The following ZNF596 variants were observed in gnomAD, a reference collection of about 807,000 sequenced individuals.
The protein encoded by ZNF596 is zinc finger protein 596.
In ZNF596, 45 loss-of-function variants were observed where a neutral mutation model predicts 48.3. That is an observed-to-expected ratio of 0.93 (90% CI 0.73 to 1.19). The LOEUF (loss-of-function observed/expected upper bound fraction) is 1.19, where lower values mean the gene tolerates loss of function less well. Among genes scored for constraint, ZNF596 ranks in the 50% most tolerant of loss-of-function variants. ZNF596 has a pLI of 0.00. For synonymous variants in ZNF596, 270 were observed against 202.0 expected (o/e 1.34, Z -2.85); for missense variants, 848 against 599.7 (o/e 1.41, Z -4.32).
Position 242,966 on chromosome 8 carries a change from T to A in ZNF596, c.92T>A (p.Leu31Gln), listed in dbSNP as rs546362714. The A allele has an allele frequency of 6.2e-7, 1 of 1,612,410 alleles. No homozygotes were observed. Among genetic ancestry groups the A allele is most frequent in the East Asian group, 2.2e-5 (1 of 44,818 alleles). ...CTGCTGGACACATCCCAGAGAAAGCTGTTTCAAGATGTGATGTTGGAGAAC... is the reference window on the plus strand; with the variant it reads ...CTGCTGGACACATCCCAGAGAAAGCAGTTTCAAGATGTGATGTTGGAGAAC... The part of the protein sequence containing the change: ...WALLDTSQRK[L>Q]FQDVMLENIS... Residue 31 changes from leucine to glutamine, a missense_variant, in exon 3 of 6, where the codon CTG becomes CAG. By Grantham distance (113) the Leu-to-Gln change is moderately radical. Transcript: ENST00000398612.
chr8:244,785 C>CCAAA, intron 5 of ZNF596, 84 bp downstream of exon 5: 1 of 1,131,020 alleles, frequency 8.8e-7, no homozygotes, highest in Non-Finnish European at 1.3e-6. Flanking sequence ...AGGTACCTGA[C>CCAAA]TGTACTTAAA....
intron 1 of ZNF596, chr8:233,109 G>C: frequency 4.3e-6 from 2 of 468,424 alleles, no homozygotes; most frequent in Admixed American, 2.4e-5. Context: ...AGCGAGAAAA[G>C]GGGAGGGAAG....
In ZNF596 at chr8:246,331, G is replaced by C. The variant is rs140335224; in HGVS notation, c.1484G>C (p.Arg495Thr). Reference protein sequence around the residue: ...SKFFNLRQHERTHTKKAMNM With the variant: ...SKFFNLRQHETTHTKKAMNM ...TTTTTTAACCTTAGACAACATGAGA[G>C]AACTCACACTAAAAAAGCAATGAAT... Residue 495 changes from arginine (R) to threonine (T), a missense_variant, in exon 6 of 6, where the codon AGA (arginine) becomes ACA (threonine). Arg to Thr is a moderately conservative substitution (Grantham distance 71). Coordinates refer to ENST00000398612, the MANE Select transcript of ZNF596 (RefSeq NM_001042416.3). The C allele has an allele frequency of 1.6e-5, 25 of 1,593,524 alleles. No homozygotes were observed. The Admixed American group carries it at 3.6e-4, about 23-fold the overall frequency.
intron 1 of ZNF596, among the ~76,000 whole-genome samples, chr8:235,956 T>C (rs1482383823): frequency 6.6e-6 from 1 of 152,152 alleles, no homozygotes; most frequent in Admixed American, 6.5e-5. Context: ...TTAGACAAAA[T>C]TGACTTTTAG....
chr8:243,864 T>A, intron 4 of ZNF596, 59 bp downstream of exon 4: 1 of 1,424,592 alleles, frequency 7.0e-7, no homozygotes, highest in Non-Finnish European at 9.8e-7. Context: ...AGTGAGTGAG[T>A]AGGACCCAAC....
At position 246,187 on chromosome 8, in the gene ZNF596, A is replaced by G. The variant is rs778059989; in HGVS notation, c.1340A>G (p.Tyr447Cys). The G allele has an allele frequency of 3.1e-6, 5 of 1,614,084 alleles. No homozygotes were observed. The highest frequency in any genetic ancestry group is 2.7e-5 in the African/African-American group (2 of 74,946). Residue 447 changes from tyrosine (Y) to cysteine (C), a missense_variant, in exon 6 of 6, where the codon TAT (tyrosine) becomes TGT (cysteine). By Grantham distance (194) the Tyr-to-Cys change is radical. Coordinates refer to ENST00000398612, the MANE Select transcript of ZNF596 (RefSeq NM_001042416.3). ...AGAACTCACACTGGAGAGAAACCAT[A>G]TGAATGCAATATATGTGGTAAAGCC... Reference protein sequence around the residue: ...HERTHTGEKPYECNICGKAFN... With the variant: ...HERTHTGEKPCECNICGKAFN...
At chr8:242,485 G>T (rs1466856078) in intron 2 of ZNF596, among the ~76,000 whole-genome samples, 1 of 149,046 alleles carries the variant, frequency 6.7e-6, no homozygotes, top group African/African-American at 2.6e-5. Context: ...TCTAACTATA[G>T]TCTTGATTAA....
chr8:246,147 C>T lies in ZNF596; in HGVS notation c.1300C>T (p.Leu434Phe), dbSNP rs763092549. ...CGKAFNHSSV[L>F]RRHERTHTGE... ...AAAAGCCTTCAATCACTCTTCTGTCCTTAGACGACATGAGAGAACTCACAC... is the reference window on the plus strand; with the variant it reads ...AAAAGCCTTCAATCACTCTTCTGTCTTTAGACGACATGAGAGAACTCACAC... Residue 434 changes from leucine (L) to phenylalanine (F), a missense_variant, in exon 6 of 6, where the codon CTT becomes TTT. Physicochemically the swap from Leu to Phe is conservative, Grantham distance 22. Transcript: ENST00000398612. 6.2e-7 allele frequency: 1 copy of T among 1,613,294 alleles called. No individual in the cohort carries two copies.
Position 246,542 on chromosome 8 carries a change from C to A in ZNF596, c.*180C>A, listed in dbSNP as rs529511898. ...ATGTTTATGGCACAAACTTCAGACT[C>A]TAGGCTGACCATATACAACGTGAGA... On this transcript the variant is annotated 3_prime_UTR_variant, in exon 6 of 6. Transcript: ENST00000398612. The A allele has an allele frequency of 1.5e-6, 1 of 679,950 alleles. No individual in the cohort carries two copies. Among genetic ancestry groups the A allele is most frequent in the Non-Finnish European group, 2.3e-6 (1 of 432,134 alleles). 42.1% of individuals were successfully genotyped at this position (679,950 alleles called of 1,614,324 possible).
intron 2 of ZNF596, among the ~76,000 whole-genome samples, chr8:241,738 C>G (rs1261670137): frequency 6.6e-6 from 1 of 152,114 alleles, no homozygotes; most frequent in Non-Finnish European, 1.5e-5. Context: ...GTGCATTAGT[C>G]CATTTTCACA....
At chr8:243,125 C>A in intron 3 of ZNF596, 112 bp downstream of exon 3, 2 of 942,580 alleles carry the variant, frequency 2.1e-6, no homozygotes, top group Non-Finnish European at 3.0e-6. Flanking sequence ...TCTCATCTAT[C>A]ACTTCAACTT....
chr8:235,789 G>T (rs1796593290), intron 1 of ZNF596, among the ~76,000 whole-genome samples: 4 of 152,080 alleles, frequency 2.6e-5, no homozygotes, highest in Middle Eastern at 6.8e-3. Context: ...AAAATATTAT[G>T]TTTTATTCAG....
rs758921264 is a variant in ZNF596 at position 244,631 on chromosome 8, G to A, written c.236G>A (p.Gly79Asp). The A allele has an allele frequency of 1.2e-6, 2 of 1,610,336 alleles. No homozygotes were observed. Among genetic ancestry groups the A allele is most frequent in the Non-Finnish European group, 1.7e-6 (2 of 1,178,088 alleles). Reference sequence around the variant, plus strand: ...TCATTTATTTCAGGTAGAGAAGTTGGCATTAAACATCAAGAGATACCATTC... The same window carrying A: ...TCATTTATTTCAGGTAGAGAAGTTGACATTAAACATCAAGAGATACCATTC... ...RISLLQGREVGIKHQEIPFIQ... is the reference protein window; with the variant it reads ...RISLLQGREVDIKHQEIPFIQ... Residue 79 changes from glycine to aspartate, a missense_variant, in exon 5 of 6, where the codon GGC becomes GAC. By Grantham distance (94) the Gly-to-Asp change is moderately conservative. Coordinates refer to ENST00000398612, the MANE Select transcript of ZNF596 (RefSeq NM_001042416.3).
chr8:245,272 A>G lies in ZNF596; in HGVS notation c.425A>G (p.Lys142Arg), dbSNP rs371429179. 4.3e-5 allele frequency: 69 copies of G among 1,614,108 alleles called. No individual in the cohort carries two copies. The African/African-American group carries it at 7.1e-4, about 17-fold the overall frequency. ...TYMRTKHFVS[K>R]KFGKIFSDWL... ...ATGAGAACGAAACACTTTGTAAGCA[A>G]AAAGTTTGGGAAAATCTTCAGTGAC... Residue 142 changes from lysine (K) to arginine (R), a missense_variant, in exon 6 of 6, where the codon AAA becomes AGA. Lys to Arg is a conservative substitution (Grantham distance 26). Coordinates refer to ENST00000398612, the MANE Select transcript of ZNF596 (RefSeq NM_001042416.3).
At chr8:241,049 T>C in intron 2 of ZNF596, 142 bp downstream of exon 2, 4 of 1,046,520 alleles carry the variant, frequency 3.8e-6, no homozygotes, top group Non-Finnish European at 5.9e-6. Flanking sequence ...TCGGAATGTT[T>C]ACATTGGCTC....
At position 243,899 on chromosome 8, in the gene ZNF596, G is replaced by GT. The variant is rs1034773682; in HGVS notation, c.223+101dup. On this transcript the variant is annotated intron_variant, in intron 4 of 5. Transcript: ENST00000398612. ...CAGTTGCCAAAGGAAGATTTCTTTT[G>GT]TTTTTTTAGACAGAATCTCACTCTG... 5 of 1,116,424 alleles carry GT rather than the reference G, an allele frequency of 4.5e-6. No homozygotes were observed. In the African/African-American group the frequency reaches 4.7e-5, roughly 10 times the overall value. 69.2% of individuals were successfully genotyped at this position (1,116,424 alleles called of 1,614,324 possible).
At position 232,966 on chromosome 8, in the gene ZNF596, G is replaced by C. The variant is rs1159159591; in HGVS notation, c.-73+272G>C. 5 of 468,786 alleles carry C rather than the reference G, an allele frequency of 1.1e-5. No homozygotes were observed. The East Asian group carries it at 3.5e-4, about 33-fold the overall frequency. 29.0% of individuals were successfully genotyped at this position (468,786 alleles called of 1,614,324 possible). ...TCGCCTCCCACTAGCGGTGACTGTT[G>C]GGTGTTTACCTTCCCGGTGTCCCAC... On this transcript the variant is annotated intron_variant, in intron 1 of 5. Transcript: ENST00000398612.
Position 237,579 on chromosome 8 carries a change from A to T in ZNF596, c.-72-3245A>T, listed in dbSNP as rs148084453. 179 of 152,314 alleles carry T rather than the reference A, an allele frequency of 1.2e-3. 4 individuals carry two copies. Among genetic ancestry groups the T allele is most frequent in the Middle Eastern group, 6.8e-3 (2 of 294 alleles). 9.4% of individuals were successfully genotyped at this position (152,314 alleles called of 1,614,324 possible). On this transcript the variant is annotated intron_variant, in intron 1 of 5. Coordinates refer to ENST00000398612, the MANE Select transcript of ZNF596 (RefSeq NM_001042416.3). Reference sequence around the variant, plus strand: ...ACTAGTGTACTGAGACGGAAAAAAAAGTCTTTAGAACTCAGATAAATATAC... The same window carrying T: ...ACTAGTGTACTGAGACGGAAAAAAATGTCTTTAGAACTCAGATAAATATAC...
Position 242,964 on chromosome 8 carries a change from G to A in ZNF596, c.90G>A (p.Lys30=). The A allele has an allele frequency of 1.2e-6, 2 of 1,612,328 alleles. No homozygotes were observed. Among genetic ancestry groups the A allele is most frequent in the African/African-American group, 1.3e-5 (1 of 75,002 alleles). ...CCCTGCTGGACACATCCCAGAGAAA[G>A]CTGTTTCAAGATGTGATGTTGGAGA... The part of the protein sequence containing the change: ...EWALLDTSQR[K]LFQDVMLENI... The change falls in exon 3 of 6, where the codon AAG becomes AAA. Residue 30 remains lysine, a synonymous_variant. Transcript: ENST00000398612.
Sources: allele counts gnomAD v4.1 joint callset (sites outside exome capture counted in the v4.1 genomes callset), GRCh38; gene constraint gnomAD v4.1.1; transcripts MANE v1.5; gene names NCBI Gene and HGNC (gene_info 2026-07-23, HGNC 2026-07-21).